The following TRDN variants were observed in gnomAD, a reference collection of about 807,000 sequenced individuals.
TRDN encodes triadin in skeletal muscle.
Under a neutral mutation model 149.7 loss-of-function variants are expected in TRDN, and 161 were observed. The ratio of observed to expected loss-of-function variants is 1.08; its 90% CI spans 0.95 to 1.23. TRDN has a LOEUF of 1.23. TRDN is among the 50% of genes most tolerant of loss of function. The pLI is 0.00. For missense variants in TRDN, 896 were observed against 823.5 expected, an observed-to-expected ratio of 1.09 and a Z score of -1.08; for synonymous variants, 294 against 250.5, an observed-to-expected ratio of 1.17 and a Z score of -1.64.
intron 7 of TRDN, chr6:123,509,746 A>C (rs1583166265): frequency 6.6e-6 from 1 of 152,184 alleles, no homozygotes; most frequent in East Asian, 1.9e-4. Flanking sequence ...CATTGATTTA[A>C]GCCTCAGATT....
chr6:123,355,154 T>G lies in TRDN; in HGVS notation c.1322-2568A>C, dbSNP rs185235914. On this transcript the variant is annotated intron_variant, in intron 20 of 40. Transcript: ENST00000334268. ...ATTGATTTGTATGCATCTGTAATAT[T>G]CTAAATGAGTCTTTTTAAATATATA... 5.3e-5 allele frequency among the ~76,000 whole-genome samples: 8 copies of G among 151,726 alleles called. No homozygotes were observed. In the East Asian group the frequency reaches 1.5e-3, roughly 29 times the overall value.
chr6:123,544,642 T>G (rs1781027504), intron 4 of TRDN, among the ~76,000 whole-genome samples: 1 of 152,090 alleles, frequency 6.6e-6, no homozygotes, highest in Non-Finnish European at 1.5e-5. Context: ...GTATTTGGTT[T>G]TCATACTTAT....
At chr6:123,348,122 G>A (rs1020000230) in intron 21 of TRDN, among the ~76,000 whole-genome samples, 1 of 151,902 alleles carries the variant, frequency 6.6e-6, no homozygotes, top group Non-Finnish European at 1.5e-5. Flanking sequence ...GACTTTACAG[G>A]TCATAATGAT....
At chr6:123,372,519 T>C (rs1781361291) in intron 19 of TRDN, among the ~76,000 whole-genome samples, 1 of 152,110 alleles carries the variant, frequency 6.6e-6, no homozygotes, top group Non-Finnish European at 1.5e-5. Context: ...TCCTCAAAAT[T>C]CAAACTGACT....
At chr6:123,382,056 G>T in intron 15 of TRDN, 62 bp downstream of exon 15, 1 of 1,223,934 alleles carries the variant, frequency 8.2e-7, no homozygotes, top group Non-Finnish European at 1.1e-6. Context: ...AATCCTTTAA[G>T]AAGGTATGCT....
chr6:123,447,708 C>G (rs965387068), intron 10 of TRDN, among the ~76,000 whole-genome samples: 1 of 151,506 alleles, frequency 6.6e-6, no homozygotes, highest in East Asian at 1.9e-4. Context: ...TACCATACTA[C>G]AGGCAGTGAC....
chr6:123,464,645 T>G (rs1776681237), intron 10 of TRDN: 4 of 1,208,080 alleles, frequency 3.3e-6, no homozygotes, highest in African/African-American at 1.5e-5. Flanking sequence ...GTCCCTATAT[T>G]TTTTTGCTTG....
intron 1 of TRDN, among the ~76,000 whole-genome samples, chr6:123,627,458 G>A (rs1785738052): frequency 6.6e-6 from 1 of 152,090 alleles, no homozygotes; most frequent in African/African-American, 2.4e-5. Context: ...AGTAAACTAT[G>A]TTGTAAACAG....
At chr6:123,465,009 G>A (rs751501023) in intron 9 of TRDN, 26 bp from the exon 10 acceptor site, 21 of 1,438,224 alleles carry the variant, frequency 1.5e-5, no homozygotes, top group Admixed American at 9.5e-5. Context: ...GTAGGAATTG[G>A]AAAAAAAAAA....
chr6:123,232,015 G>C (rs1775620953), intron 38 of TRDN, among the ~76,000 whole-genome samples: 1 of 152,022 alleles, frequency 6.6e-6, no homozygotes, highest in South Asian at 2.1e-4. Flanking sequence ...AATTGAATGT[G>C]ACTGGAGCTG....
At chr6:123,274,867 C>T (rs757288678) in intron 26 of TRDN, among the ~76,000 whole-genome samples, 197 bp from the exon 27 acceptor site, 7 of 151,732 alleles carry the variant, frequency 4.6e-5, no homozygotes, top group Middle Eastern at 3.4e-3. Context: ...AGCGAGACTC[C>T]GTTTCAAAAA....
intron 21 of TRDN, among the ~76,000 whole-genome samples, chr6:123,340,811 C>G (rs1554226212): frequency 6.6e-6 from 1 of 151,936 alleles, no homozygotes; most frequent in Non-Finnish European, 1.5e-5. Flanking sequence ...GATAATTTCC[C>G]AGAGTGTAAC....
chr6:123,299,259 G>T (rs563262277), intron 24 of TRDN, among the ~76,000 whole-genome samples: 1 of 151,990 alleles, frequency 6.6e-6, no homozygotes, highest in Non-Finnish European at 1.5e-5. Flanking sequence ...AGGGGGTGAA[G>T]GGTTTGTGAG....
At position 123,273,325 on chromosome 6, in the gene TRDN, A is replaced by G; in HGVS notation, c.1624+12T>C. ...AGAAAGTCTAAGCATAAAAGATAAA[A>G]TTAATACATACTGTGTATTTGCACT... On this transcript the variant is annotated intron_variant, in intron 28 of 40. Coordinates refer to ENST00000334268, the MANE Select transcript of TRDN (RefSeq NM_006073.4). 9.3e-7 allele frequency: 1 copy of G among 1,078,030 alleles called. No homozygotes were observed. Among genetic ancestry groups the G allele is most frequent in the Non-Finnish European group, 1.3e-6 (1 of 795,810 alleles). The allele number at this position is 1,078,030 out of a possible 1,614,324, so 66.8% of individuals were successfully genotyped here.
chr6:123,575,593 T>C (rs1782813710), intron 1 of TRDN, among the ~76,000 whole-genome samples: 1 of 152,154 alleles, frequency 6.6e-6, no homozygotes, highest in African/African-American at 2.4e-5. Flanking sequence ...CCAGGCCTGC[T>C]TTTTAATTCT....
intron 4 of TRDN, among the ~76,000 whole-genome samples, chr6:123,537,454 T>A (rs1263993579): frequency 6.6e-6 from 1 of 152,184 alleles, no homozygotes; most frequent in African/African-American, 2.4e-5. Context: ...TGGAGAATTT[T>A]CTTGTTCTCA....
In TRDN at chr6:123,636,947, C is replaced by T; in HGVS notation, c.-172G>A. 2.9e-6 allele frequency: 2 copies of T among 684,292 alleles called. No individual in the cohort carries two copies. Among genetic ancestry groups the T allele is most frequent in the Non-Finnish European group, 5.0e-6 (2 of 398,712 alleles). The allele number at this position is 684,292 out of a possible 1,614,324, so 42.4% of individuals were successfully genotyped here. A position where few individuals can be genotyped will look rare whatever the true frequency, so the allele number is the denominator to read the frequency against. On this transcript the variant is annotated 5_prime_UTR_variant, in exon 1 of 41. Coordinates refer to ENST00000334268, the MANE Select transcript of TRDN (RefSeq NM_006073.4). ...GTTGTCCTGTTGAACTTTGCCTCTCCTCTGCAGAGTTCTCCCCCTGGAAAC... is the reference window on the plus strand; with the variant it reads ...GTTGTCCTGTTGAACTTTGCCTCTCTTCTGCAGAGTTCTCCCCCTGGAAAC...
chr6:123,620,370 TC>T (rs1441341810), intron 1 of TRDN, among the ~76,000 whole-genome samples: 2 of 152,258 alleles, frequency 1.3e-5, no homozygotes, highest in Non-Finnish European at 1.5e-5. Flanking sequence ...ACACTGCTGG[TC>T]TGGGGACTAC....
At chr6:123,245,751 A>C (rs78975764) in intron 38 of TRDN, among the ~76,000 whole-genome samples, 1 of 152,194 alleles carries the variant, frequency 6.6e-6, no homozygotes, top group East Asian at 1.9e-4. Flanking sequence ...CCTAACAGAC[A>C]TCTACAGAAC....
Sources: gnomAD v4.1 joint callset for allele counts (sites outside exome capture counted in the v4.1 genomes callset) on GRCh38, gnomAD v4.1.1 for gene constraint, MANE v1.5 for transcripts, NCBI Gene and HGNC (gene_info 2026-07-23, HGNC 2026-07-21) for gene names.